The following DMTF1 variants were observed in gnomAD, a reference collection of about 807,000 sequenced individuals.
DMTF1 encodes the protein cyclin-D-binding Myb-like transcription factor 1.
DMTF1 carries 39 observed loss-of-function variants against 91.1 expected under a neutral mutation model. The observed-to-expected ratio is 0.43, with a 90% confidence interval of 0.33 to 0.56. The LOEUF (loss-of-function observed/expected upper bound fraction) is 0.56, where lower values mean the gene tolerates loss of function less well. Among genes scored for constraint, DMTF1 ranks in the 20% least tolerant of loss-of-function variants. The pLI is 0.05. For missense variants in DMTF1, 750 were observed against 914.5 expected (o/e 0.82, Z 2.32); for synonymous variants, 338 against 309.5 (o/e 1.09, Z -0.97).
At chr7:87,180,831 TA>T in intron 8 of DMTF1, among the ~76,000 whole-genome samples, 1 of 147,642 alleles carries the variant, frequency 6.8e-6, no homozygotes, top group Non-Finnish European at 1.5e-5. Context: ...TAAAAAAAAA[TA>T]AAAATAGAAG....
rs137881623 is a variant in DMTF1, at chr7:87,175,359, A to G, written c.519+690A>G. On this transcript the variant is annotated intron_variant, in intron 7 of 17. Transcript: ENST00000331242. ...TTGAATGAATTTTTGATGTCATAGT[A>G]GTCCTTACCTTTTAAAAAAAATCAA... Among the ~76,000 whole-genome samples the G allele has an allele frequency of 1.1e-3, 168 of 152,250 alleles. 1 individual carries two copies. The highest frequency in any genetic ancestry group is 4.0e-3 in the African/African-American group (167 of 41,542).
Position 87,174,647 on chromosome 7 carries a change from A to G in DMTF1, c.497A>G (p.Asn166Ser). ...WSKEEIDILM[N>S]NIERYLKARG... ...AAGGAAGAAATTGATATTTTGATGA[A>G]CAATATTGAACGCTATCTTAAGGTA... Residue 166 changes from asparagine to serine, a missense_variant, in exon 7 of 18, where the codon AAC becomes AGC. Asn to Ser is a conservative substitution (Grantham distance 46, BLOSUM62 1). Transcript: ENST00000331242. 8 of 1,609,760 alleles carry G rather than the reference A, an allele frequency of 5.0e-6. No homozygotes were observed. Among genetic ancestry groups the G allele is most frequent in the Non-Finnish European group, 6.8e-6 (8 of 1,177,240 alleles).
At chr7:87,173,113 C>A (rs140629573) in intron 5 of DMTF1, among the ~76,000 whole-genome samples, 67 of 152,272 alleles carry the variant, frequency 4.4e-4, no homozygotes, top group South Asian at 1.2e-3. Flanking sequence ...TAACACCCAA[C>A]CCTAGGACTT....
In DMTF1 at chr7:87,158,280, A is replaced by G. The variant is rs60748306; in HGVS notation, c.-131-5215A>G. Among the ~76,000 whole-genome samples the G allele has an allele frequency of 6.1e-3, 925 of 152,184 alleles. 6 individuals carry two copies. Among genetic ancestry groups the G allele is most frequent in the African/African-American group, 0.021 (858 of 41,562 alleles). ...AAGATGCCACATGTTTAAAAACTCA[A>G]TGATTAAAATAATTCTAAAAGGTAA... On this transcript the variant is annotated intron_variant, in intron 1 of 17. Coordinates refer to ENST00000331242, the MANE Select transcript of DMTF1 (RefSeq NM_001142327.2).
At chr7:87,193,033 T>TTCAAG in intron 14 of DMTF1, 165 bp from the exon 15 acceptor site, 1 of 656,466 alleles carries the variant, frequency 1.5e-6, no homozygotes, top group Non-Finnish European at 2.6e-6. Flanking sequence ...CTCTTAAACC[T>TTCAAG]TCAGGCTAGG....
chr7:87,160,389 C>G (rs1222737065), intron 1 of DMTF1, among the ~76,000 whole-genome samples: 1 of 151,928 alleles, frequency 6.6e-6, no homozygotes, highest in African/African-American at 2.4e-5. Context: ...ATTCTCCTGC[C>G]TCAGCCTCTC....
At chr7:87,166,855 CT>C (rs1329530651) in intron 4 of DMTF1, among the ~76,000 whole-genome samples, 1 of 151,772 alleles carries the variant, frequency 6.6e-6, no homozygotes, top group Non-Finnish European at 1.5e-5. Flanking sequence ...CCTTTTTAGA[CT>C]TTTATTCCTG....
At chr7:87,163,277 G>A (rs1006602129) in intron 1 of DMTF1, 1 of 149,614 alleles carries the variant, frequency 6.7e-6, no homozygotes, top group African/African-American at 2.5e-5. Context: ...CTTGGGTTAA[G>A]AAACTACCTG....
chr7:87,184,962 G>A (rs562306348), intron 11 of DMTF1: 14 of 470,380 alleles, frequency 3.0e-5, no homozygotes, highest in Non-Finnish European at 5.9e-5. Flanking sequence ...TAGCCTAGGG[G>A]GAACACGTTT....
intron 8 of DMTF1, 93 bp downstream of exon 8, chr7:87,179,795 G>A (rs1796957168): frequency 4.2e-6 from 5 of 1,178,548 alleles, no homozygotes; most frequent in Middle Eastern, 2.0e-4. Context: ...ATATGGTCAA[G>A]GTATTAATTG....
Position 87,184,471 on chromosome 7 carries a change from A to G in DMTF1, c.895A>G (p.Ile299Val), listed in dbSNP as rs745864322. The G allele has an allele frequency of 5.0e-6, 8 of 1,613,924 alleles. No homozygotes were observed. In the Admixed American group the frequency reaches 8.3e-5, roughly 17 times the overall value. Residue 299 changes from isoleucine to valine, a missense_variant, in exon 11 of 18, where the codon ATA becomes GTA. This residue lies in a region of DMTF1 where 190 missense variants were observed against 343.8 expected (regional missense o/e 0.55). Coordinates refer to ENST00000331242, the MANE Select transcript of DMTF1 (RefSeq NM_001142327.2). ...GTTGACAAGCACTGAGCCAGGTGAC[A>G]TAGTCACACAGGGTGTGTCTTGGGC... ...HELTSTEPGD[I>V]VTQGVSWAAV... is the part of the protein sequence containing the mutation.
chr7:87,154,094 G>A (rs2129037634), intron 1 of DMTF1: 1 of 152,286 alleles, frequency 6.6e-6, no homozygotes, highest in South Asian at 2.1e-4. Flanking sequence ...AGGATTTCAT[G>A]TATTTGGTTA....
Position 87,184,480 on chromosome 7 carries a change from C to T in DMTF1, c.904C>T (p.Gln302Ter). The change falls in exon 11 of 18, where the codon CAG (glutamine) becomes TAG (stop). Residue 302 changes from glutamine to a stop codon, truncating the protein, a stop_gained. Coordinates refer to ENST00000331242, the MANE Select transcript of DMTF1 (RefSeq NM_001142327.2). LOFTEE classifies it high-confidence loss of function. ...CACTGAGCCAGGTGACATAGTCACA[C>T]AGGGTGTGTCTTGGGCAGCTGTGGC... ...TSTEPGDIVT[Q>*]GVSWAAVAER... is the part of the protein sequence containing the mutation. 1 of 1,613,964 alleles carries T rather than the reference C, an allele frequency of 6.2e-7. No homozygotes were observed. The highest frequency in any genetic ancestry group is 8.5e-7 in the Non-Finnish European group (1 of 1,179,956).
chr7:87,177,862 G>C (rs1354912335), intron 7 of DMTF1, among the ~76,000 whole-genome samples: 1 of 152,048 alleles, frequency 6.6e-6, no homozygotes, highest in Non-Finnish European at 1.5e-5. Flanking sequence ...TTTCTAACTT[G>C]TTTTTAGGTT....
At chr7:87,170,846 T>C (rs893281253) in intron 4 of DMTF1, 149 bp from the exon 5 acceptor site, 3 of 622,186 alleles carry the variant, frequency 4.8e-6, no homozygotes, top group East Asian at 2.9e-5. Flanking sequence ...TTAAGTATTA[T>C]TAAGCAAATG....
At chr7:87,176,225 T>A (rs1216511558) in intron 7 of DMTF1, among the ~76,000 whole-genome samples, 1 of 152,204 alleles carries the variant, frequency 6.6e-6, no homozygotes, top group East Asian at 1.9e-4. Flanking sequence ...AAACTCTAAT[T>A]CTTCACTAAT....
chr7:87,169,925 G>T (rs1296687004), intron 4 of DMTF1, among the ~76,000 whole-genome samples: 1 of 152,074 alleles, frequency 6.6e-6, no homozygotes, highest in Non-Finnish European at 1.5e-5. Flanking sequence ...TCAACTCAAG[G>T]TTTTAAATAC....
intron 7 of DMTF1, among the ~76,000 whole-genome samples, 160 bp downstream of exon 7, chr7:87,174,829 T>G (rs1795891354): frequency 6.6e-6 from 1 of 152,178 alleles, no homozygotes; most frequent in Non-Finnish European, 1.5e-5. Flanking sequence ...TAAAATACAT[T>G]ATTATAGTAC....
intron 16 of DMTF1, chr7:87,194,337 C>T (rs1437963699): frequency 2.0e-6 from 1 of 494,668 alleles, no homozygotes; most frequent in Non-Finnish European, 3.6e-6. Flanking sequence ...TTCCTCTTTA[C>T]CTACAATACA....
Sources: allele counts gnomAD v4.1 joint callset (sites outside exome capture counted in the v4.1 genomes callset), GRCh38; gene constraint gnomAD v4.1.1; regional missense constraint gnomAD v4.1.1; transcripts MANE v1.5; gene names NCBI Gene and HGNC (gene_info 2026-07-23, HGNC 2026-07-21).